The following LAMA3 variants were observed in gnomAD, a reference collection of about 807,000 sequenced individuals.
LAMA3 encodes laminin subunit alpha 3.
A neutral mutation model predicts 402.0 loss-of-function variants in LAMA3; 281 were observed. The observed-to-expected ratio is 0.70, with a 90% CI of 0.63 to 0.77. The LOEUF (loss-of-function observed/expected upper bound fraction) is 0.77, where lower values mean the gene tolerates loss of function less well. Ranked by LOEUF, LAMA3 falls within the 30% of genes least tolerant of loss-of-function variation. The pLI is 0.00. For synonymous variants in LAMA3, 1,431 were observed against 1,558.4 expected (o/e 0.92, Z 1.93); for missense variants, 3,840 against 4,215.5 (o/e 0.91, Z 2.47).
chr18:23,718,467 G>A (rs559699461), intron 2 of LAMA3, among the ~76,000 whole-genome samples: 3 of 152,322 alleles, frequency 2.0e-5, no homozygotes, highest in South Asian at 2.1e-4. Context: ...ATGTTTCCAA[G>A]AGTATTATTT....
At chr18:23,700,406 A>G (rs1224509047) in intron 1 of LAMA3, among the ~76,000 whole-genome samples, 2 of 152,152 alleles carry the variant, frequency 1.3e-5, no homozygotes, top group Admixed American at 6.5e-5. Flanking sequence ...GGGCTTTAAG[A>G]CTTCCAGAAA....
intron 35 of LAMA3, among the ~76,000 whole-genome samples, chr18:23,864,364 C>CAGG (rs2064300165): frequency 6.6e-6 from 1 of 151,888 alleles, no homozygotes; most frequent in South Asian, 2.1e-4. Context: ...GTAACTGGGA[C>CAGG]TACAGGTGTG....
Position 23,727,381 on chromosome 18 carries a change from G to A in LAMA3, c.447+13309G>A, listed in dbSNP as rs142094322. On this transcript the variant is annotated intron_variant, in intron 2 of 74. Transcript: ENST00000313654. ...CACTCTGTCTCCCAGGCTGGAGGGC[G>A]GTGGCATGATCTCGGCTCACTGCAA... Among the ~76,000 whole-genome samples the A allele has an allele frequency of 2.6e-3, 392 of 151,706 alleles. 2 individuals carry two copies. Among genetic ancestry groups the A allele is most frequent in the African/African-American group, 9.2e-3 (379 of 41,358 alleles).
At chr18:23,840,647 G>A (rs546393773) in intron 27 of LAMA3, among the ~76,000 whole-genome samples, 1 of 151,892 alleles carries the variant, frequency 6.6e-6, no homozygotes, top group Non-Finnish European at 1.5e-5. Flanking sequence ...GCACCTTGCA[G>A]GTAGGAAATT....
intron 70 of LAMA3, 43 bp downstream of exon 70, chr18:23,946,327 T>G (rs998900546): frequency 6.3e-7 from 1 of 1,585,690 alleles, no homozygotes; most frequent in Non-Finnish European, 8.7e-7. Context: ...ACAATTCACC[T>G]TATATTATAG....
At chr18:23,805,147 A>C (rs2062937709) in intron 12 of LAMA3, among the ~76,000 whole-genome samples, 1 of 152,196 alleles carries the variant, frequency 6.6e-6, no homozygotes, top group African/African-American at 2.4e-5. Context: ...CATTTGCCAG[A>C]CTAACAGCTG....
At position 23,718,845 on chromosome 18, in the gene LAMA3, G is replaced by A. The variant is rs188775056; in HGVS notation, c.447+4773G>A. Among the ~76,000 whole-genome samples, 249 of 152,310 alleles carry A rather than the reference G, an allele frequency of 1.6e-3. 3 individuals carry two copies. The highest frequency in any genetic ancestry group is 0.016 in the South Asian group (75 of 4,822). ...GAAGGCTCTTTCTAGATTTACAGAG[G>A]CTTCTAAAAGCTGTGTCTAGAGCAG... On this transcript the variant is annotated intron_variant, in intron 2 of 74. Transcript: ENST00000313654.
At chr18:23,815,299 G>A in intron 16 of LAMA3, 59 bp downstream of exon 16, 1 of 1,516,424 alleles carries the variant, frequency 6.6e-7, no homozygotes, top group Non-Finnish European at 9.1e-7. Flanking sequence ...CTGCTTGTGG[G>A]GTTTCTGGGG....
At chr18:23,901,850 C>T (rs1249262883) in intron 48 of LAMA3, among the ~76,000 whole-genome samples, 1 of 152,150 alleles carries the variant, frequency 6.6e-6, no homozygotes, top group Non-Finnish European at 1.5e-5. Flanking sequence ...GGCGCCACCA[C>T]GCCTGGCTAA....
At chr18:23,893,468 A>G (rs1307546844) in intron 42 of LAMA3, among the ~76,000 whole-genome samples, 1 of 152,122 alleles carries the variant, frequency 6.6e-6, no homozygotes, top group East Asian at 1.9e-4. Context: ...CTGTAGTCCC[A>G]GCTACTTGGG....
chr18:23,902,811 A>T (rs1468275989), intron 48 of LAMA3, among the ~76,000 whole-genome samples, 198 bp from the exon 49 acceptor site: 1 of 152,246 alleles, frequency 6.6e-6, no homozygotes, highest in Non-Finnish European at 1.5e-5. Context: ...TTGGCATATC[A>T]TTTAAGGAAA....
intron 67 of LAMA3, among the ~76,000 whole-genome samples, chr18:23,937,599 A>C (rs1360727322): frequency 1.3e-5 from 2 of 152,122 alleles, no homozygotes; most frequent in East Asian, 3.9e-4. Context: ...GAATTAAGGG[A>C]CATTTGGTGG....
intron 43 of LAMA3, 46 bp from the exon 44 acceptor site, chr18:23,894,861 A>G (rs1269402259): frequency 1.2e-6 from 2 of 1,613,668 alleles, no homozygotes; most frequent in South Asian, 1.1e-5. Context: ...TCGCAGTCCC[A>G]CGGCTCCCCC....
intron 67 of LAMA3, among the ~76,000 whole-genome samples, chr18:23,937,234 T>A (rs1438812274): frequency 2.0e-5 from 3 of 151,616 alleles, no homozygotes; most frequent in Non-Finnish European, 4.4e-5. Flanking sequence ...GGCTTGGTGG[T>A]AGGCACCTGT....
chr18:23,722,507 T>C (rs2055838254), intron 2 of LAMA3, among the ~76,000 whole-genome samples: 2 of 152,250 alleles, frequency 1.3e-5, no homozygotes, highest in South Asian at 4.1e-4. Flanking sequence ...ATTATTCCAC[T>C]GAATTATATG....
chr18:23,931,329 G>T (rs549674783), intron 65 of LAMA3, 128 bp downstream of exon 65: 7 of 782,244 alleles, frequency 8.9e-6, no homozygotes, highest in Non-Finnish European at 1.5e-5. Context: ...AATAAGTCTT[G>T]TCCTTCTTCC....
intron 13 of LAMA3, among the ~76,000 whole-genome samples, chr18:23,812,072 A>T (rs561984709): frequency 2.0e-5 from 3 of 152,034 alleles, no homozygotes; most frequent in South Asian, 2.1e-4. Flanking sequence ...ATGGGGTTTC[A>T]CCATGTCAGC....
rs2081844265 is a variant in LAMA3 at position 23,921,652 on chromosome 18, A to G, written c.8177+67A>G. 3.3e-6 allele frequency: 5 copies of G among 1,533,570 alleles called. No individual in the cohort carries two copies. In the South Asian group the frequency reaches 4.6e-5, roughly 14 times the overall value. 95.0% of individuals were successfully genotyped at this position (1,533,570 alleles called of 1,614,324 possible). A position where few individuals can be genotyped will look rare whatever the true frequency, so the allele number is the denominator to read the frequency against. On this transcript the variant is annotated intron_variant, in intron 62 of 74. Transcript: ENST00000313654. ...GTGGTTATGATTGTGACCAAAAAAA[A>G]TCTGGTCTGCCATTTTTAATTCCAC...
Position 23,698,202 on chromosome 18 carries a change from C to CTTTT in LAMA3, c.294+8244_294+8247dup, listed in dbSNP as rs755879182. ...GAACCAGCCTGTTTCTCTTCTTCTTCTTTTTTTTTTTTTTTTTTTTTTGAG... is the reference window on the plus strand; with the variant it reads ...GAACCAGCCTGTTTCTCTTCTTCTTCTTTTTTTTTTTTTTTTTTTTTTTTTTGAG... On this transcript the variant is annotated intron_variant, in intron 1 of 74. Coordinates refer to ENST00000313654, the MANE Select transcript of LAMA3 (RefSeq NM_198129.4). Among the ~76,000 whole-genome samples the CTTTT allele has an allele frequency of 4.2e-4, 46 of 108,858 alleles. 1 individual carries two copies. The highest frequency in any genetic ancestry group is 8.1e-4 in the Admixed American group (7 of 8,590). 71.4% of individuals were successfully genotyped at this position (108,858 alleles called of 152,430 possible).
Sources: gnomAD v4.1 joint callset for allele counts (sites outside exome capture counted in the v4.1 genomes callset) on GRCh38, gnomAD v4.1.1 for gene constraint, MANE v1.5 for transcripts, NCBI Gene and HGNC (gene_info 2026-07-23, HGNC 2026-07-21) for gene names.